KRCC1: variants seen among roughly 807,000 people sequenced by gnomAD.
KRCC1 encodes the protein lysine-rich coiled-coil protein 1.
A neutral mutation model predicts 7.4 loss-of-function variants in KRCC1; 3 were observed. The observed-to-expected ratio is 0.40, with a 90% CI of 0.18 to 1.04. The LOEUF is 1.04. Among genes scored for constraint, KRCC1 ranks in the 50% least tolerant of loss-of-function variants. The pLI, the probability that KRCC1 is intolerant of heterozygous loss-of-function variation, is 0.33. For synonymous variants in KRCC1, 102 were observed against 101.6 expected, an observed-to-expected ratio of 1.00 and a Z score of -0.02; for missense variants, 277 against 300.9, an observed-to-expected ratio of 0.92 and a Z score of 0.59.
Position 88,028,460 on chromosome 2 carries a change from T to G in KRCC1, c.104A>C (p.Lys35Thr). 1 of 1,614,088 alleles carries G rather than the reference T, an allele frequency of 6.2e-7. No individual in the cohort carries two copies. Among genetic ancestry groups the G allele is most frequent in the Non-Finnish European group, 8.5e-7 (1 of 1,179,952 alleles). ...GGTTTCCAAATAGTCCCCTTTCATC[T>G]TTCTGAAACAAGTCTTTGGCTCTAA... Reference protein sequence around the residue: ...RGLEPKTCFRKMKGDYLETCG... With the variant: ...RGLEPKTCFRTMKGDYLETCG... Residue 35 changes from lysine to threonine, a missense_variant, in exon 4 of 4, where the codon AAG becomes ACG. Physicochemically the swap from Lys to Thr is moderately conservative, Grantham distance 78. Coordinates refer to ENST00000347055, the MANE Select transcript of KRCC1 (RefSeq NM_016618.3).
intron 1 of KRCC1, among the ~76,000 whole-genome samples, chr2:88,039,722 A>T (rs1673166096): frequency 6.6e-6 from 1 of 151,600 alleles, no homozygotes; most frequent in Non-Finnish European, 1.5e-5. Flanking sequence ...TATCTCAATT[A>T]TTTTTTAGTT....
At chr2:88,045,593 C>T (rs1673311603) in intron 1 of KRCC1, among the ~76,000 whole-genome samples, 1 of 149,330 alleles carries the variant, frequency 6.7e-6, no homozygotes, top group Admixed American at 6.6e-5. Flanking sequence ...TGTAAAGGGG[C>T]ATAAGTACTT....
intron 2 of KRCC1, among the ~76,000 whole-genome samples, chr2:88,034,897 A>G (rs1184065278): frequency 2.0e-5 from 3 of 152,098 alleles, no homozygotes; most frequent in Non-Finnish European, 2.9e-5. Context: ...GTGAGATCAT[A>G]TGGTATTTGT....
At chr2:88,030,371 T>G (rs1672970896) in intron 3 of KRCC1, among the ~76,000 whole-genome samples, 1 of 151,392 alleles carries the variant, frequency 6.6e-6, no homozygotes, top group African/African-American at 2.4e-5. Context: ...AAAATCTAAA[T>G]GAAGCCTAAT....
At chr2:88,029,178 T>C (rs1672944438) in intron 3 of KRCC1, among the ~76,000 whole-genome samples, 1 of 152,142 alleles carries the variant, frequency 6.6e-6, no homozygotes, top group Middle Eastern at 3.2e-3. Flanking sequence ...AAATGTGAGA[T>C]AAGCAGGGAT....
chr2:88,047,227 G>A (rs1428983548), intron 1 of KRCC1, among the ~76,000 whole-genome samples: 1 of 152,066 alleles, frequency 6.6e-6, no homozygotes, highest in East Asian at 1.9e-4. Flanking sequence ...CTCACAAAAC[G>A]CAACTTGACG....
At chr2:88,048,123 C>T (rs1404071261) in intron 1 of KRCC1, among the ~76,000 whole-genome samples, 5 of 143,600 alleles carry the variant, frequency 3.5e-5, no homozygotes, top group Non-Finnish European at 7.5e-5. Flanking sequence ...ACTCTTGTTG[C>T]GCAGGCTGGG....
rs1398232666 is a variant in KRCC1, at chr2:88,027,733, G to C, written c.*51C>G. 1 of 1,489,896 alleles carries C rather than the reference G, an allele frequency of 6.7e-7. No individual in the cohort carries two copies. 92.3% of individuals were successfully genotyped at this position (1,489,896 alleles called of 1,614,324 possible). On this transcript the variant is annotated 3_prime_UTR_variant, in exon 4 of 4. Transcript: ENST00000347055. Reference sequence around the variant, plus strand: ...ATGAACACGGATATCATAAAACCAAGCTCTCACCTATTTTTTCAATTTAAC... The same window carrying C: ...ATGAACACGGATATCATAAAACCAACCTCTCACCTATTTTTTCAATTTAAC...
At chr2:88,030,920 A>G (rs560818488) in intron 3 of KRCC1, among the ~76,000 whole-genome samples, 56 of 152,248 alleles carry the variant, frequency 3.7e-4, no homozygotes, top group Non-Finnish European at 5.7e-4. Context: ...AGTAATGTGA[A>G]TAATGCACAA....
In KRCC1 at chr2:88,027,884, G is replaced by A. The variant is rs767983213; in HGVS notation, c.680C>T (p.Ser227Phe). Residue 227 changes from serine (S) to phenylalanine (F), a missense_variant, in exon 4 of 4, where the codon TCT becomes TTT. By Grantham distance (155) the Ser-to-Phe change is radical. Coordinates refer to ENST00000347055, the MANE Select transcript of KRCC1 (RefSeq NM_016618.3). ...RKEKKSRDVV[S>F]KKEERKRTKK... ...TGTACGCTTACGTTCCTCTTTCTTA[G>A]AGACTACATCTCGGCTTTTTTTCTC... The A allele has an allele frequency of 4.3e-6, 7 of 1,613,816 alleles. No individual in the cohort carries two copies. The highest frequency in any genetic ancestry group is 1.1e-5 in the South Asian group (1 of 91,006).
At chr2:88,038,323 C>G (rs12714210) in intron 1 of KRCC1, among the ~76,000 whole-genome samples, 138,128 of 152,228 alleles carry the variant, frequency 0.91, 63,005 homozygotes, top group East Asian at 1. Flanking sequence ...GGGAGGAAGA[C>G]ATCTTACCAC....
At position 88,044,059 on chromosome 2, in the gene KRCC1, A is replaced by C. The variant is rs184670014; in HGVS notation, c.-290-7008T>G. On this transcript the variant is annotated intron_variant, in intron 1 of 3. Coordinates refer to ENST00000347055, the MANE Select transcript of KRCC1 (RefSeq NM_016618.3). ...ATCTTATAGAAGAGGAAACTGAAGC[A>C]CAGAAAGGTTAAGGAACATGTCCAT... Among the ~76,000 whole-genome samples the C allele has an allele frequency of 1.9e-3, 294 of 152,358 alleles. 5 individuals carry two copies. Among genetic ancestry groups the C allele is most frequent in the African/African-American group, 6.7e-3 (280 of 41,572 alleles).
chr2:88,031,363 C>T (rs1472256758), intron 3 of KRCC1, among the ~76,000 whole-genome samples: 1 of 152,132 alleles, frequency 6.6e-6, no homozygotes, highest in African/African-American at 2.4e-5. Context: ...TGGCCCATGC[C>T]TGTAATCCCA....
Position 88,050,924 on chromosome 2 carries a change from C to T in KRCC1, c.-291+4702G>A, listed in dbSNP as rs115009649. ...ATGCCTTCTATATCTTCCTTACTTGCTTTTTTTTTTTTTTTTTGAGACAGG... is the reference window on the plus strand; with the variant it reads ...ATGCCTTCTATATCTTCCTTACTTGTTTTTTTTTTTTTTTTTTGAGACAGG... On this transcript the variant is annotated intron_variant, in intron 1 of 3. Transcript: ENST00000347055. 2.1e-3 allele frequency among the ~76,000 whole-genome samples: 262 copies of T among 125,374 alleles called. 7 individuals are homozygous for T. The highest frequency in any genetic ancestry group is 3.2e-3 in the South Asian group (13 of 4,124). The allele number at this position is 125,374 out of a possible 152,430, so 82.3% of individuals were successfully genotyped here.
chr2:88,045,481 G>A (rs1673309233), intron 1 of KRCC1, among the ~76,000 whole-genome samples: 1 of 152,168 alleles, frequency 6.6e-6, no homozygotes, highest in Admixed American at 6.5e-5. Flanking sequence ...AGTATCTACT[G>A]TATGATTCTA....
At chr2:88,039,899 T>A (rs943816522) in intron 1 of KRCC1, among the ~76,000 whole-genome samples, 1 of 151,996 alleles carries the variant, frequency 6.6e-6, no homozygotes, top group Non-Finnish European at 1.5e-5. Flanking sequence ...GCGTAGTGCT[T>A]CGTGCCTGTA....
intron 1 of KRCC1, among the ~76,000 whole-genome samples, chr2:88,049,515 G>A (rs777008255): frequency 6.6e-6 from 1 of 152,182 alleles, no homozygotes; most frequent in Non-Finnish European, 1.5e-5. Context: ...GGGCATGGTG[G>A]CATGTGCCCA....
At chr2:88,037,289 G>A (rs967100806) in intron 1 of KRCC1, among the ~76,000 whole-genome samples, 1 of 152,060 alleles carries the variant, frequency 6.6e-6, no homozygotes, top group African/African-American at 2.4e-5. Context: ...CATCCTGAAG[G>A]AAAAGTTACT....
At chr2:88,036,849 T>C (rs202119271) in intron 2 of KRCC1, 94 bp downstream of exon 2, 2 of 152,210 alleles carry the variant, frequency 1.3e-5, no homozygotes, top group East Asian at 3.8e-4. Flanking sequence ...GACAATACTT[T>C]TCTTGTATGG....
Sources: gnomAD v4.1 joint callset for allele counts (sites outside exome capture counted in the v4.1 genomes callset) on GRCh38, gnomAD v4.1.1 for gene constraint, MANE v1.5 for transcripts, NCBI Gene and HGNC (gene_info 2026-07-23, HGNC 2026-07-21) for gene names.